The following EBF2 variants were observed in gnomAD, a reference collection of about 807,000 sequenced individuals.
The protein encoded by EBF2 is EBF transcription factor 2, also known as transcription factor COE2.
In EBF2, 21 loss-of-function variants were observed where a neutral mutation model predicts 72.8. The observed-to-expected ratio is 0.29, with a 90% confidence interval of 0.20 to 0.42. EBF2 has a LOEUF of 0.42. EBF2 is among the 10% of genes least tolerant of loss of function. The probability of loss-of-function intolerance (pLI) is 1.00; values close to 1 mark genes in which losing one functional copy is unlikely to be tolerated. For synonymous variants in EBF2, 299 were observed against 274.2 expected (o/e 1.09, Z -0.89); for missense variants, 637 against 731.2 (o/e 0.87, Z 1.49).
rs983873885 is a variant in EBF2 at position 25,841,746 on chromosome 8, ATTTT to A, written c.*2859_*2862del. ...CTCATTTTTACAGTACAAAAATTTT[ATTTT>A]TTTGTTAGGATAATTTAAAGTTTAA... On this transcript the variant is annotated 3_prime_UTR_variant, in exon 16 of 16. Coordinates refer to ENST00000520164, the MANE Select transcript of EBF2 (RefSeq NM_022659.4). 1.3e-5 allele frequency: 2 copies of A among 152,128 alleles called. No individual in the cohort carries two copies. The highest frequency in any genetic ancestry group is 4.8e-5 in the African/African-American group (2 of 41,436). 9.4% of individuals were successfully genotyped at this position (152,128 alleles called of 1,614,324 possible). A position where few individuals can be genotyped will look rare whatever the true frequency, so the allele number is the denominator to read the frequency against.
chr8:25,995,241 G>T (rs1804605780), intron 6 of EBF2, among the ~76,000 whole-genome samples: 1 of 152,176 alleles, frequency 6.6e-6, no homozygotes, highest in African/African-American at 2.4e-5. Context: ...GGAAGACGGA[G>T]GTTGCAGTGA....
chr8:25,894,727 T>G (rs747011395), intron 7 of EBF2, among the ~76,000 whole-genome samples: 9 of 152,212 alleles, frequency 5.9e-5, no homozygotes, highest in Non-Finnish European at 8.8e-5. Context: ...TCAACATTTC[T>G]TACCATTACC....
intron 6 of EBF2, among the ~76,000 whole-genome samples, chr8:25,975,531 T>G (rs1804255097): frequency 6.6e-6 from 1 of 152,242 alleles, no homozygotes; most frequent in African/African-American, 2.4e-5. Flanking sequence ...AGGTTATTAA[T>G]ATGCTGATCA....
chr8:25,935,769 C>T (rs1234383072), intron 6 of EBF2, among the ~76,000 whole-genome samples: 1 of 152,074 alleles, frequency 6.6e-6, no homozygotes, highest in Non-Finnish European at 1.5e-5. Flanking sequence ...CACTTTGAGT[C>T]GAAAGTGGGA....
chr8:25,919,623 C>CAA (rs1041834146), intron 6 of EBF2, among the ~76,000 whole-genome samples: 19 of 151,570 alleles, frequency 1.3e-4, no homozygotes, highest in African/African-American at 4.6e-4. Context: ...ACCAGGCAGC[C>CAA]AAAAAAAAAT....
intron 6 of EBF2, among the ~76,000 whole-genome samples, chr8:25,957,737 G>A (rs1025172679): frequency 3.3e-5 from 5 of 152,242 alleles, no homozygotes; most frequent in East Asian, 1.9e-4. Flanking sequence ...GTGGTGGCAC[G>A]CACCTGTAGT....
intron 6 of EBF2, among the ~76,000 whole-genome samples, chr8:26,001,604 C>T (rs941163179): frequency 6.6e-6 from 1 of 151,830 alleles, no homozygotes; most frequent in Non-Finnish European, 1.5e-5. Flanking sequence ...GGCTGGAGTG[C>T]AATTGTGCGA....
chr8:25,874,440 GAAGAT>G (rs1802487782), intron 10 of EBF2, among the ~76,000 whole-genome samples: 1 of 151,946 alleles, frequency 6.6e-6, no homozygotes, highest in African/African-American at 2.4e-5. Context: ...TGCCAAAGTA[GAAGAT>G]AAGAAGTATT....
At chr8:25,897,096 G>T (rs1326245568) in intron 7 of EBF2, among the ~76,000 whole-genome samples, 1 of 152,134 alleles carries the variant, frequency 6.6e-6, no homozygotes, top group East Asian at 1.9e-4. Context: ...TCAAGTCCCA[G>T]ACAGGAGAAC....
chr8:25,964,503 A>G (rs1804084143), intron 6 of EBF2, among the ~76,000 whole-genome samples: 1 of 152,200 alleles, frequency 6.6e-6, no homozygotes. Flanking sequence ...ATCCTTCTCA[A>G]TCTGGGTCGA....
At chr8:26,002,106 G>A (rs1804737450) in intron 6 of EBF2, among the ~76,000 whole-genome samples, 2 of 152,162 alleles carry the variant, frequency 1.3e-5, no homozygotes, top group Admixed American at 1.3e-4. Flanking sequence ...TTCAGGCAAA[G>A]GAACATAAGG....
At chr8:25,874,853 C>CTTTTT (rs1183233269) in intron 10 of EBF2, among the ~76,000 whole-genome samples, 2 of 99,574 alleles carry the variant, frequency 2.0e-5, no homozygotes, top group Non-Finnish European at 3.8e-5. Flanking sequence ...GCCTGGCTAA[C>CTTTTT]TTTTTTTTTT....
At chr8:25,912,604 A>C (rs1194728993) in intron 6 of EBF2, among the ~76,000 whole-genome samples, 1 of 152,126 alleles carries the variant, frequency 6.6e-6, no homozygotes, top group African/African-American at 2.4e-5. Context: ...AGACATATGG[A>C]AACATGGAAC....
At position 25,907,206 on chromosome 8, in the gene EBF2, G is replaced by A. The variant is rs35124438; in HGVS notation, c.633+1268C>T. Among the ~76,000 whole-genome samples the A allele has an allele frequency of 7.3e-3, 1,114 of 151,960 alleles. 6 individuals carry two copies. Among genetic ancestry groups the A allele is most frequent in the Non-Finnish European group, 0.011 (739 of 67,950 alleles). On this transcript the variant is annotated intron_variant, in intron 7 of 15. Transcript: ENST00000520164. ...GGCCTAGGTGGGTGAATCACCTGAG[G>A]TCAGGGGTTTGAGACCAACCTGGGC...
At chr8:25,881,857 G>A (rs1184313762) in intron 10 of EBF2, among the ~76,000 whole-genome samples, 1 of 152,154 alleles carries the variant, frequency 6.6e-6, no homozygotes, top group Admixed American at 6.5e-5. Context: ...GCCACTGACC[G>A]GCAGAACGAC....
intron 10 of EBF2, among the ~76,000 whole-genome samples, chr8:25,880,105 T>C (rs1434790472): frequency 6.6e-6 from 1 of 152,214 alleles, no homozygotes; most frequent in Non-Finnish European, 1.5e-5. Context: ...ATGTATAACA[T>C]AGCAGTTAAC....
chr8:25,920,365 G>A (rs1226518117), intron 6 of EBF2, among the ~76,000 whole-genome samples: 1 of 152,186 alleles, frequency 6.6e-6, no homozygotes, highest in Non-Finnish European at 1.5e-5. Flanking sequence ...GGAGGCTTTC[G>A]CCACTTCCTC....
chr8:26,011,279 G>A (rs114440157), intron 6 of EBF2, among the ~76,000 whole-genome samples: 3 of 152,294 alleles, frequency 2.0e-5, no homozygotes, highest in Non-Finnish European at 2.9e-5. Flanking sequence ...TTTTTAGGTT[G>A]CGTTTGTGAA....
At chr8:25,939,770 A>G (rs1054268746) in intron 6 of EBF2, among the ~76,000 whole-genome samples, 3 of 152,166 alleles carry the variant, frequency 2.0e-5, no homozygotes, top group African/African-American at 7.2e-5. Flanking sequence ...TAACAAAGAG[A>G]GGAGTTTGAG....
Sources: gnomAD v4.1 joint callset for allele counts (sites outside exome capture counted in the v4.1 genomes callset) on GRCh38, gnomAD v4.1.1 for gene constraint, MANE v1.5 for transcripts, NCBI Gene and HGNC (gene_info 2026-07-23, HGNC 2026-07-21) for gene names.